SYNE2: variants seen among roughly 807,000 people sequenced by gnomAD.
The protein encoded by SYNE2 is nesprin-2.
SYNE2 carries 431 observed loss-of-function variants against 856.3 expected under a neutral mutation model. That is an observed-to-expected ratio of 0.50 (90% confidence interval 0.47 to 0.55). SYNE2 has a LOEUF of 0.55. Ranked by LOEUF, SYNE2 falls within the 20% of genes least tolerant of loss-of-function variation. The probability of loss-of-function intolerance (pLI) is 0.00; values close to 1 mark genes in which losing one functional copy is unlikely to be tolerated. For synonymous variants in SYNE2, 2,923 were observed against 2,872.3 expected, an observed-to-expected ratio of 1.02 and a Z score of -0.56; for missense variants, 8,129 against 8,023.2, an observed-to-expected ratio of 1.01 and a Z score of -0.50.
chr14:63,888,152 A>T (rs528539729), intron 1 of SYNE2, among the ~76,000 whole-genome samples: 17 of 152,248 alleles, frequency 1.1e-4, no homozygotes, highest in East Asian at 3.9e-4. Context: ...AAAACTAGGG[A>T]CCAAGTATGT....
chr14:63,975,235 T>C (rs1213432449), intron 11 of SYNE2, among the ~76,000 whole-genome samples: 2 of 152,160 alleles, frequency 1.3e-5, no homozygotes, highest in South Asian at 2.1e-4. Flanking sequence ...ACTCACCTTC[T>C]TTCCATTCTC....
At chr14:63,806,634 C>A (rs1458573865) in intron 1 of SYNE2, among the ~76,000 whole-genome samples, 1 of 152,040 alleles carries the variant, frequency 6.6e-6, no homozygotes, top group Non-Finnish European at 1.5e-5. Flanking sequence ...GGAATGCATC[C>A]ATTTCTTCTA....
At chr14:63,953,868 A>C (rs2096204140) in intron 7 of SYNE2, among the ~76,000 whole-genome samples, 1 of 152,054 alleles carries the variant, frequency 6.6e-6, no homozygotes. Context: ...GGCTTATTTC[A>C]CTTGGCATGG....
At chr14:63,910,092 G>A (rs2095455133) in intron 2 of SYNE2, among the ~76,000 whole-genome samples, 1 of 152,162 alleles carries the variant, frequency 6.6e-6, no homozygotes, top group Non-Finnish European at 1.5e-5. Flanking sequence ...TAGTATAAAA[G>A]AAATAAGGCT....
intron 6 of SYNE2, among the ~76,000 whole-genome samples, chr14:63,947,972 T>G (rs1341967047): frequency 6.6e-6 from 1 of 152,352 alleles, no homozygotes; most frequent in East Asian, 1.9e-4. Flanking sequence ...CACTTCTCTT[T>G]GCACCAGTAC....
chr14:64,093,443 T>G lies in SYNE2; in HGVS notation c.12071T>G (p.Met4024Arg). 6.2e-7 allele frequency: 1 copy of G among 1,614,194 alleles called. No homozygotes were observed. The highest frequency in any genetic ancestry group is 8.5e-7 in the Non-Finnish European group (1 of 1,180,012). ...TCAGCTCAGTTCTCCCTTGAACATA[T>G]GTCACCAGACCAAGCTGACAAGCTG... ...NYSAQFSLEHMSPDQADKLPQ... is the reference protein window; with the variant it reads ...NYSAQFSLEHRSPDQADKLPQ... Residue 4024 changes from methionine to arginine, a missense_variant, in exon 61 of 116, where the codon ATG becomes AGG. This residue lies in a region of SYNE2 where 5,410 missense variants were observed against 5,284.8 expected (regional missense o/e 1.02). Coordinates refer to ENST00000555002, the MANE Select transcript of SYNE2 (RefSeq NM_182914.3).
chr14:64,112,807 G>A (rs2097822123), intron 65 of SYNE2, among the ~76,000 whole-genome samples: 1 of 152,180 alleles, frequency 6.6e-6, no homozygotes, highest in Admixed American at 6.5e-5. Context: ...GTAATACCAT[G>A]TATGTTTTTA....
At chr14:63,771,312 C>T (rs1198938021) in intron 1 of SYNE2, among the ~76,000 whole-genome samples, 2 of 151,798 alleles carry the variant, frequency 1.3e-5, no homozygotes, top group African/African-American at 4.8e-5. Flanking sequence ...CCTCGTGATC[C>T]GCCCGCCTCG....
rs551511480 is a variant in SYNE2 at position 63,955,361 on chromosome 14, T to C, written c.787+446T>C. ...CCGTCTGTCCCTATGTGGTTGGTCA[T>C]TGATTCTGCTCAGTCATGTTGGATT... On this transcript the variant is annotated intron_variant, in intron 8 of 115. Coordinates refer to ENST00000555002, the MANE Select transcript of SYNE2 (RefSeq NM_182914.3). 6.6e-5 allele frequency among the ~76,000 whole-genome samples: 10 copies of C among 152,340 alleles called. No individual in the cohort carries two copies. The East Asian group carries it at 1.9e-3, about 29-fold the overall frequency.
At chr14:63,989,870 G>A (rs2096654038) in intron 19 of SYNE2, among the ~76,000 whole-genome samples, 1 of 150,694 alleles carries the variant, frequency 6.6e-6, no homozygotes, top group Non-Finnish European at 1.5e-5. Context: ...GGGTGGTCTC[G>A]AACTCCTGAC....
intron 1 of SYNE2, among the ~76,000 whole-genome samples, chr14:63,764,502 C>CT (rs1247829021): frequency 6.7e-6 from 1 of 150,152 alleles, no homozygotes; most frequent in Non-Finnish European, 1.5e-5. Context: ...GGACCACCCC[C>CT]TGCCCCCCGC....
At chr14:63,897,537 AC>A (rs2095272608) in intron 1 of SYNE2, among the ~76,000 whole-genome samples, 1 of 152,116 alleles carries the variant, frequency 6.6e-6, no homozygotes, top group South Asian at 2.1e-4. Context: ...GTATACATGC[AC>A]TTTTACAGGA....
At position 64,031,296 on chromosome 14, in the gene SYNE2, A is replaced by G. The variant is rs2097032447; in HGVS notation, c.7160A>G (p.Gln2387Arg). ...GAGAAGCAGGCCACTTCTGATGTGCAGGAGTCTACTCAGGAATCAGCTGCA... is the reference window on the plus strand; with the variant it reads ...GAGAAGCAGGCCACTTCTGATGTGCGGGAGTCTACTCAGGAATCAGCTGCA... ...GREKQATSDV[Q>R]ESTQESAAVE... Residue 2387 changes from glutamine (Q) to arginine (R), a missense_variant, in exon 45 of 116, where the codon CAG becomes CGG. Coordinates refer to ENST00000555002, the MANE Select transcript of SYNE2 (RefSeq NM_182914.3). The G allele has an allele frequency of 6.2e-7, 1 of 1,614,064 alleles. No homozygotes were observed. Among genetic ancestry groups the G allele is most frequent in the Non-Finnish European group, 8.5e-7 (1 of 1,180,038 alleles).
intron 102 of SYNE2, 161 bp from the exon 103 acceptor site, chr14:64,209,781 G>A: frequency 8.6e-7 from 1 of 1,159,498 alleles, no homozygotes; most frequent in African/African-American, 1.5e-5. Context: ...GAACTTGAAA[G>A]CCTGTTCTGT....
At chr14:64,106,281 G>A (rs2153648253) in intron 64 of SYNE2, among the ~76,000 whole-genome samples, 1 of 152,126 alleles carries the variant, frequency 6.6e-6, no homozygotes, top group Middle Eastern at 3.4e-3. Context: ...TTTGCGACTT[G>A]CTTGTTCCTA....
At chr14:64,215,493 ACACTGCCGTACTCACCCATAACT>A in intron 107 of SYNE2, 139 bp downstream of exon 107, 1 of 860,340 alleles carries the variant, frequency 1.2e-6, no homozygotes, top group Non-Finnish European at 2.0e-6. Context: ...TGGTGTATTT[ACACTGCCGTACTCACCCATAACT>A]GCGTGCTCCT....
Position 63,938,310 on chromosome 14 carries a change from G to A in SYNE2, c.80-2304G>A, listed in dbSNP as rs114728200. Among the ~76,000 whole-genome samples, 140 of 152,212 alleles carry A rather than the reference G, an allele frequency of 9.2e-4. 1 individual carries two copies. Among genetic ancestry groups the A allele is most frequent in the African/African-American group, 3.2e-3 (133 of 41,530 alleles). ...TCTCTACAAAAAATTTAAAAAATTA[G>A]CTGGACATGGCAGTACACGCCTGTA... On this transcript the variant is annotated intron_variant, in intron 2 of 115. Coordinates refer to ENST00000555002, the MANE Select transcript of SYNE2 (RefSeq NM_182914.3).
intron 113 of SYNE2, among the ~76,000 whole-genome samples, chr14:64,223,610 C>T (rs939330299): frequency 2.6e-5 from 4 of 151,502 alleles, no homozygotes; most frequent in Non-Finnish European, 5.9e-5. Context: ...AATTTTTAAA[C>T]TTTTTTTAAA....
At chr14:64,133,300 G>A (rs183680728) in intron 77 of SYNE2, among the ~76,000 whole-genome samples, 36 of 152,204 alleles carry the variant, frequency 2.4e-4, no homozygotes, top group Non-Finnish European at 4.9e-4. Flanking sequence ...TAGTTAGTGT[G>A]TCAAGTTGAT....
Sources: gnomAD v4.1 joint callset for allele counts (sites outside exome capture counted in the v4.1 genomes callset) on GRCh38, gnomAD v4.1.1 for gene constraint, gnomAD v4.1.1 regional missense constraint, MANE v1.5 for transcripts, NCBI Gene and HGNC (gene_info 2026-07-23, HGNC 2026-07-21) for gene names.